ENPP3: variants seen among roughly 807,000 people sequenced by gnomAD.
ENPP3 encodes ectonucleotide pyrophosphatase/phosphodiesterase family member 3.
In ENPP3, 104 loss-of-function variants were observed where a neutral mutation model predicts 117.8. That is an observed-to-expected ratio of 0.88 (90% CI 0.75 to 1.04). ENPP3 has a LOEUF of 1.04. Ranked by LOEUF, ENPP3 falls within the 50% of genes least tolerant of loss-of-function variation. The pLI is 0.00. For synonymous variants in ENPP3, 380 were observed against 349.9 expected, an observed-to-expected ratio of 1.09 and a Z score of -0.96; for missense variants, 1,026 against 1,051.9, an observed-to-expected ratio of 0.98 and a Z score of 0.34.
chr6:131,663,613 G>C (rs965600990), intron 6 of ENPP3, among the ~76,000 whole-genome samples: 2 of 149,656 alleles, frequency 1.3e-5, no homozygotes, highest in African/African-American at 5.0e-5. Context: ...AGGATCCCTT[G>C]AGCCTAGGAG....
intron 2 of ENPP3, among the ~76,000 whole-genome samples, chr6:131,643,227 G>T (rs1209316597): frequency 6.6e-6 from 1 of 152,168 alleles, no homozygotes; most frequent in Non-Finnish European, 1.5e-5. Flanking sequence ...CTTGATCAAA[G>T]AAATGTTGAC....
At chr6:131,729,359 T>C (rs575531864) in intron 20 of ENPP3, among the ~76,000 whole-genome samples, 2 of 152,360 alleles carry the variant, frequency 1.3e-5, no homozygotes, top group South Asian at 4.1e-4. Context: ...TTTTAGCTTG[T>C]ACATTCAGCC....
chr6:131,737,570 T>C (rs969799110), intron 22 of ENPP3, 138 bp downstream of exon 22: 5 of 557,466 alleles, frequency 9.0e-6, no homozygotes, highest in Non-Finnish European at 1.6e-5. Flanking sequence ...AATATAGGTA[T>C]AGGAAGGATC....
chr6:131,685,842 G>T, intron 13 of ENPP3, 34 bp from the exon 14 acceptor site: 1 of 851,158 alleles, frequency 1.2e-6, no homozygotes, highest in South Asian at 1.4e-5. Flanking sequence ...GTTATCAATT[G>T]TAATGTCATT....
intron 8 of ENPP3, 124 bp from the exon 9 acceptor site, chr6:131,674,956 A>G (rs1484371648): frequency 2.9e-5 from 18 of 611,572 alleles, no homozygotes. Context: ...TTTAATTACT[A>G]CAAAGATTAA....
intron 14 of ENPP3, among the ~76,000 whole-genome samples, chr6:131,693,022 A>G (rs1779320334): frequency 6.9e-6 from 1 of 144,606 alleles, no homozygotes; most frequent in Non-Finnish European, 1.5e-5. Context: ...ATATATGGTT[A>G]TATATGATAT....
At chr6:131,725,467 G>A (rs935905886) in intron 19 of ENPP3, among the ~76,000 whole-genome samples, 2 of 152,042 alleles carry the variant, frequency 1.3e-5, no homozygotes, top group Non-Finnish European at 2.9e-5. Context: ...TGTCTTTGAT[G>A]AAAGCCCTAA....
chr6:131,671,843 T>G (rs958148120), intron 7 of ENPP3, among the ~76,000 whole-genome samples: 1 of 152,212 alleles, frequency 6.6e-6, no homozygotes, highest in African/African-American at 2.4e-5. Flanking sequence ...TATAAAAAGA[T>G]GTAGGTAGAA....
rs1377325753 is a variant in ENPP3, at chr6:131,639,244, C to G, written c.78+1782C>G. On this transcript the variant is annotated intron_variant, in intron 1 of 24. Coordinates refer to ENST00000357639, the MANE Select transcript of ENPP3 (RefSeq NM_005021.5). ...CAGAGTGCTCTTTATAGCTCTTATG[C>G]TAATATATATATATATATATATTTT... 2.3e-5 allele frequency among the ~76,000 whole-genome samples: 3 copies of G among 129,758 alleles called. No homozygotes were observed. In the Admixed American group the frequency reaches 2.5e-4, roughly 11 times the overall value. 85.1% of individuals were successfully genotyped at this position (129,758 alleles called of 152,430 possible).
At chr6:131,680,499 G>A (rs561395805) in intron 11 of ENPP3, among the ~76,000 whole-genome samples, 119 of 152,182 alleles carry the variant, frequency 7.8e-4, no homozygotes, top group Non-Finnish European at 1.5e-3. Context: ...GCAGCATATA[G>A]ATGGTGCACA....
intron 23 of ENPP3, among the ~76,000 whole-genome samples, chr6:131,739,714 T>C (rs34844489): frequency 6.6e-6 from 1 of 151,454 alleles, no homozygotes; most frequent in Non-Finnish European, 1.5e-5. Flanking sequence ...TAAGACCTTG[T>C]GCTTTTTATT....
intron 14 of ENPP3, among the ~76,000 whole-genome samples, chr6:131,687,336 A>G (rs62423409): frequency 0.076 from 11,500 of 152,202 alleles, 919 homozygotes; most frequent in African/African-American, 0.2. Context: ...CTGGACCCCT[A>G]CCTTTTGCCA....
At chr6:131,641,573 C>A in intron 2 of ENPP3, 43 bp downstream of exon 2, 1 of 1,242,296 alleles carries the variant, frequency 8.0e-7, no homozygotes. Flanking sequence ...CTTATTTCTT[C>A]TCTCTTCTGG....
rs561608682 is a variant in ENPP3 at position 131,678,544 on chromosome 6, C to T, written c.1011+604C>T. On this transcript the variant is annotated intron_variant, in intron 11 of 24. Transcript: ENST00000357639. ...ACAAGCCATTCTGTCTTCTAAACTC[C>T]GCTAAAGCCTCTATTGTCTTGGACA... is the stretch of plus-strand genomic sequence containing the variant. Among the ~76,000 whole-genome samples the T allele has an allele frequency of 1.2e-4, 18 of 152,322 alleles. No homozygotes were observed. The South Asian group carries it at 1.2e-3, about 11-fold the overall frequency.
In ENPP3 at chr6:131,648,839, A is replaced by G. The variant is rs533292113; in HGVS notation, c.155-1188A>G. Among the ~76,000 whole-genome samples, 9 of 152,330 alleles carry G rather than the reference A, an allele frequency of 5.9e-5. 1 individual carries two copies. The South Asian group carries it at 1.9e-3, about 32-fold the overall frequency. On this transcript the variant is annotated intron_variant, in intron 2 of 24. Transcript: ENST00000357639. ...TAGCTGGGCACACACTCCTCGCACA[A>G]TAAGAACTACAGAATTCCCATTGCT...
At chr6:131,686,643 G>A (rs1355918295) in intron 14 of ENPP3, among the ~76,000 whole-genome samples, 2 of 152,116 alleles carry the variant, frequency 1.3e-5, no homozygotes, top group African/African-American at 2.4e-5. Flanking sequence ...TACCCAATAA[G>A]TAGTTTTTTA....
Position 131,664,109 on chromosome 6 carries a change from G to A in ENPP3, c.562+5689G>A, listed in dbSNP as rs1585635063. Among the ~76,000 whole-genome samples the A allele has an allele frequency of 2.0e-5, 3 of 152,220 alleles. No homozygotes were observed. In the South Asian group the frequency reaches 6.2e-4, roughly 32 times the overall value. Reference sequence around the variant, plus strand: ...AATGTTAACTATAAAACAGCCTCAGGCAGGTTTTTCAGGAGGTATTTCAGA... The same window carrying A: ...AATGTTAACTATAAAACAGCCTCAGACAGGTTTTTCAGGAGGTATTTCAGA... On this transcript the variant is annotated intron_variant, in intron 6 of 24. Transcript: ENST00000357639.
intron 15 of ENPP3, chr6:131,701,501 A>G: frequency 3.4e-6 from 2 of 595,712 alleles, no homozygotes. Context: ...GGTGAAGTAG[A>G]AAAGTGTTCA....
chr6:131,674,130 A>C (rs1043377091), intron 7 of ENPP3, 32 bp from the exon 8 acceptor site: 2 of 1,353,676 alleles, frequency 1.5e-6, no homozygotes, highest in Non-Finnish European at 2.1e-6. Flanking sequence ...CTAATATTTT[A>C]TCTTACATCT....
Sources: allele counts gnomAD v4.1 joint callset (sites outside exome capture counted in the v4.1 genomes callset), GRCh38; gene constraint gnomAD v4.1.1; transcripts MANE v1.5; gene names NCBI Gene and HGNC (gene_info 2026-07-23, HGNC 2026-07-21).